CDADC1: variants seen among roughly 807,000 people sequenced by gnomAD.
CDADC1 encodes the protein cytidine and dCMP deaminase domain containing 1, also known as dCTP deaminase.
A neutral mutation model predicts 54.9 loss-of-function variants in CDADC1; 39 were observed. That is an observed-to-expected ratio of 0.71 (90% CI 0.55 to 0.93). CDADC1 has a LOEUF of 0.93. Ranked by LOEUF, CDADC1 falls within the 40% of genes least tolerant of loss-of-function variation. The pLI, the probability that CDADC1 is intolerant of heterozygous loss-of-function variation, is 0.00. For missense variants in CDADC1, 518 were observed against 618.8 expected (o/e 0.84, Z 1.73); for synonymous variants, 186 against 204.0 (o/e 0.91, Z 0.75).
intron 4 of CDADC1, 67 bp downstream of exon 4, chr13:49,259,590 C>T: frequency 4.1e-6 from 6 of 1,469,084 alleles, no homozygotes; most frequent in Middle Eastern, 4.0e-4. Flanking sequence ...GTGGTTTATG[C>T]CTGTCATCCC....
At chr13:49,280,383 A>G (rs1953285965) in intron 7 of CDADC1, 126 bp from the exon 8 acceptor site, 1 of 434,050 alleles carries the variant, frequency 2.3e-6, no homozygotes, top group African/African-American at 2.0e-5. Flanking sequence ...AGGCTTGATG[A>G]TCATTATTAA....
intron 4 of CDADC1, among the ~76,000 whole-genome samples, chr13:49,264,887 T>A (rs1952780115): frequency 6.6e-6 from 1 of 152,208 alleles, no homozygotes; most frequent in African/African-American, 2.4e-5. Context: ...GCTACCATTA[T>A]TTCCCCCATT....
In CDADC1 at chr13:49,267,645, G is replaced by A; in HGVS notation, c.586G>A (p.Val196Met). 4.3e-6 allele frequency: 7 copies of A among 1,614,144 alleles called. No individual in the cohort carries two copies. The highest frequency in any genetic ancestry group is 5.9e-6 in the Non-Finnish European group (7 of 1,180,024). Residue 196 changes from valine to methionine, a missense_variant, in exon 5 of 10, where the codon GTG becomes ATG. Val to Met is a conservative substitution (Grantham distance 21). Transcript: ENST00000251108. ...AHVCVLLQPL[V>M]CYMVQFVEET... ...TGTGTGTGTCTTACTTCAACCTTTGGTGTGTTATATGGTGCAGTTTGTAGA... is the reference window on the plus strand; with the variant it reads ...TGTGTGTGTCTTACTTCAACCTTTGATGTGTTATATGGTGCAGTTTGTAGA...
chr13:49,291,841 G>A lies in CDADC1; in HGVS notation c.*84G>A, dbSNP rs1463058458. 3.3e-6 allele frequency: 5 copies of A among 1,518,206 alleles called. No homozygotes were observed. The South Asian group carries it at 6.5e-5, about 20-fold the overall frequency. 94.0% of individuals were successfully genotyped at this position (1,518,206 alleles called of 1,614,324 possible). A position where few individuals can be genotyped will look rare whatever the true frequency, so the allele number is the denominator to read the frequency against. On this transcript the variant is annotated 3_prime_UTR_variant, in exon 10 of 10. Transcript: ENST00000251108. The stretch of plus-strand genomic sequence containing the variant: ...CAGCCTTGTTCATTCAGAAAATAAG[G>A]ATGGATTTTGTGAATAATTGAAAAG...
intron 9 of CDADC1, among the ~76,000 whole-genome samples, chr13:49,286,928 C>T (rs771136320): frequency 1.4e-4 from 21 of 152,204 alleles, no homozygotes; most frequent in Admixed American, 5.9e-4. Flanking sequence ...TGGTCACTCA[C>T]GCCTATAATC....
At chr13:49,257,165 G>A (rs1195274498) in intron 3 of CDADC1, among the ~76,000 whole-genome samples, 1 of 152,134 alleles carries the variant, frequency 6.6e-6, no homozygotes, top group African/African-American at 2.4e-5. Context: ...TGGTATTTTG[G>A]CCTTACCTAG....
intron 9 of CDADC1, among the ~76,000 whole-genome samples, chr13:49,287,123 G>A (rs1176699071): frequency 6.6e-6 from 1 of 152,204 alleles, no homozygotes; most frequent in African/African-American, 2.4e-5. Flanking sequence ...TCCAGGAGGT[G>A]GAGTTTGCAG....
rs1226838280 is a variant in CDADC1, at chr13:49,248,043, A to G, written c.6A>G (p.Lys2=). The change falls in exon 1 of 10, where the codon AAA becomes AAG. Residue 2 remains lysine (K), a synonymous_variant. Coordinates refer to ENST00000251108, the MANE Select transcript of CDADC1 (RefSeq NM_030911.4). M[K]EAGQMQNLES... is the part of the protein sequence containing the mutation. ...CAGAGGACGCTAGGTTTGGGATGAA[A>G]GAAGCTGGGCAGATGCAAAATCTGG... The G allele has an allele frequency of 2.6e-6, 4 of 1,553,140 alleles. No homozygotes were observed. The highest frequency in any genetic ancestry group is 3.5e-6 in the Non-Finnish European group (4 of 1,147,912).
chr13:49,264,848 T>C (rs1178422204), intron 4 of CDADC1, among the ~76,000 whole-genome samples: 1 of 152,192 alleles, frequency 6.6e-6, no homozygotes, highest in Non-Finnish European at 1.5e-5. Flanking sequence ...CAAGTTTAAC[T>C]CACTGAATTC....
intron 5 of CDADC1, among the ~76,000 whole-genome samples, chr13:49,268,420 G>A (rs1952878149): frequency 6.6e-6 from 1 of 152,168 alleles, no homozygotes; most frequent in South Asian, 2.1e-4. Flanking sequence ...CAACACTTTA[G>A]AAGGCTGAGA....
At chr13:49,286,070 T>C in intron 8 of CDADC1, 152 bp from the exon 9 acceptor site, 1 of 568,314 alleles carries the variant, frequency 1.8e-6, no homozygotes, top group Non-Finnish European at 3.1e-6. Flanking sequence ...TACCTTGGCC[T>C]CCCAAAGTGC....
Position 49,259,413 on chromosome 13 carries a change from A to T in CDADC1, c.320A>T (p.Asp107Val), listed in dbSNP as rs768177985. The change falls in exon 4 of 10, where the codon GAT (aspartate) becomes GTT (valine). Residue 107 changes from aspartate to valine, a missense_variant. Transcript: ENST00000251108. ...GTTGGTCTCCACTGTTCTAGTGAAG[A>T]TTTACATGCCGGGCAGATTGCTCTT... ...KIVGLHCSSE[D>V]LHAGQIALIK... 2.5e-5 allele frequency: 40 copies of T among 1,614,058 alleles called. No homozygotes were observed. Among genetic ancestry groups the T allele is most frequent in the East Asian group, 6.7e-5 (3 of 44,900 alleles).
intron 5 of CDADC1, among the ~76,000 whole-genome samples, chr13:49,270,547 T>C (rs892467249): frequency 7.2e-5 from 11 of 152,310 alleles, no homozygotes; most frequent in African/African-American, 2.6e-4. Context: ...ATGGTACATA[T>C]ACTGTTATAT....
intron 2 of CDADC1, among the ~76,000 whole-genome samples, chr13:49,250,166 G>A (rs988807490): frequency 3.3e-5 from 5 of 151,998 alleles, no homozygotes; most frequent in African/African-American, 1.2e-4. Flanking sequence ...GCATGTACTC[G>A]CTGAGGTTTC....
At chr13:49,263,048 T>C (rs1385795736) in intron 4 of CDADC1, among the ~76,000 whole-genome samples, 1 of 152,232 alleles carries the variant, frequency 6.6e-6, no homozygotes. Flanking sequence ...GCTACAGACC[T>C]AAGGTATGAA....
chr13:49,265,614 TA>T (rs1485434879), intron 4 of CDADC1, among the ~76,000 whole-genome samples: 21 of 152,280 alleles, frequency 1.4e-4, no homozygotes, highest in African/African-American at 5.0e-4. Flanking sequence ...GTTTTTTTCA[TA>T]AAGCTAATGT....
chr13:49,262,750 C>T lies in CDADC1; in HGVS notation c.430+3227C>T, dbSNP rs1439637806. ...TTCACCATGTTGGTCAGGCTGATCT[C>T]GAACTTCTGACTCATGATCTGCCCA... is the stretch of plus-strand genomic sequence containing the variant. On this transcript the variant is annotated intron_variant, in intron 4 of 9. Transcript: ENST00000251108. 2.6e-5 allele frequency among the ~76,000 whole-genome samples: 4 copies of T among 152,110 alleles called. No individual in the cohort carries two copies. In the East Asian group the frequency reaches 5.8e-4, roughly 22 times the overall value.
chr13:49,273,204 A>G (rs1953015223), intron 5 of CDADC1, among the ~76,000 whole-genome samples: 1 of 152,172 alleles, frequency 6.6e-6, no homozygotes, highest in Non-Finnish European at 1.5e-5. Context: ...TTTTCTTTGT[A>G]CCTTTACTGG....
intron 1 of CDADC1, 198 bp downstream of exon 1, chr13:49,248,317 GC>G: frequency 1.8e-6 from 1 of 557,180 alleles, no homozygotes; most frequent in Non-Finnish European, 3.2e-6. Context: ...TTGAAGTCTC[GC>G]TTTTTACCCC....
Sources: allele counts gnomAD v4.1 joint callset (sites outside exome capture counted in the v4.1 genomes callset), GRCh38; gene constraint gnomAD v4.1.1; transcripts MANE v1.5; gene names NCBI Gene and HGNC (gene_info 2026-07-23, HGNC 2026-07-21).